The following PRKCE variants were observed in gnomAD, a reference collection of about 807,000 sequenced individuals.
PRKCE encodes the protein protein kinase C epsilon type.
A neutral mutation model predicts 85.4 loss-of-function variants in PRKCE; 16 were observed. The observed-to-expected ratio is 0.19, with a 90% CI of 0.13 to 0.28. The LOEUF (loss-of-function observed/expected upper bound fraction) is 0.28. PRKCE is among the 10% of genes least tolerant of loss of function. The pLI is 1.00. For synonymous variants in PRKCE, 388 were observed against 371.5 expected (o/e 1.04, Z -0.51); for missense variants, 573 against 975.2 (o/e 0.59, Z 5.49).
At chr2:45,784,769 A>C (rs1333073509) in intron 1 of PRKCE, among the ~76,000 whole-genome samples, 2 of 152,218 alleles carry the variant, frequency 1.3e-5, no homozygotes, top group African/African-American at 2.4e-5. Flanking sequence ...AACAGAAAAA[A>C]ATGAACCTAT....
intron 2 of PRKCE, among the ~76,000 whole-genome samples, chr2:45,873,470 A>ACG (rs1694249344): frequency 6.8e-6 from 1 of 147,442 alleles, no homozygotes; most frequent in Non-Finnish European, 1.5e-5. Context: ...AAAAAAAAAA[A>ACG]AAAAAACAAA....
Position 46,151,166 on chromosome 2 carries a change from C to A in PRKCE, c.1857C>A (p.Ile619=). Residue 619 remains isoleucine, a synonymous_variant, in exon 13 of 15, where the codon ATC becomes ATA. Transcript: ENST00000306156. ...ATGAGGACGACCTATTTGAGTCCAT[C>A]CTCCATGACGACGTGCTGTACCCAG... is the stretch of plus-strand genomic sequence containing the variant. ...ADNEDDLFES[I]LHDDVLYPVW... 5 of 1,599,584 alleles carry A rather than the reference C, an allele frequency of 3.1e-6. No homozygotes were observed. The highest frequency in any genetic ancestry group is 4.2e-6 in the Non-Finnish European group (5 of 1,179,930).
chr2:45,679,595 T>C (rs1213870227), intron 1 of PRKCE, among the ~76,000 whole-genome samples: 5 of 152,172 alleles, frequency 3.3e-5, no homozygotes, highest in Admixed American at 3.3e-4. Flanking sequence ...GTAATAGTTA[T>C]GAAGCCTTTT....
intron 2 of PRKCE, among the ~76,000 whole-genome samples, chr2:45,893,429 G>A (rs1249356364): frequency 3.3e-5 from 5 of 150,448 alleles, no homozygotes; most frequent in African/African-American, 4.9e-5. Context: ...GTGCAGTGGC[G>A]CAATCTCGGC....
At chr2:45,860,584 C>T (rs990510281) in intron 2 of PRKCE, among the ~76,000 whole-genome samples, 2 of 152,148 alleles carry the variant, frequency 1.3e-5, no homozygotes, top group African/African-American at 4.8e-5. Context: ...ACTATAGGAA[C>T]AAGAGCTGGT....
Position 46,116,537 on chromosome 2 carries a change from C to T in PRKCE, c.1593-28556C>T, listed in dbSNP as rs141815844. ...TGAGGAAATCAGAAGGCTGGGTTAC[C>T]GTGAGTATGTGCTCCCCACCTCTAC... On this transcript the variant is annotated intron_variant, in intron 11 of 14. Coordinates refer to ENST00000306156, the MANE Select transcript of PRKCE (RefSeq NM_005400.3). 2.9e-3 allele frequency among the ~76,000 whole-genome samples: 446 copies of T among 152,262 alleles called. 3 individuals are homozygous for T. Among genetic ancestry groups the T allele is most frequent in the African/African-American group, 1.0e-2 (415 of 41,528 alleles).
At chr2:45,893,400 C>T (rs1695888107) in intron 2 of PRKCE, among the ~76,000 whole-genome samples, 1 of 148,760 alleles carries the variant, frequency 6.7e-6, no homozygotes. Flanking sequence ...TGACCTCTTG[C>T]CCTCTCGCCC....
intron 1 of PRKCE, among the ~76,000 whole-genome samples, chr2:45,787,050 T>TC (rs1328556047): frequency 6.6e-6 from 1 of 152,196 alleles, no homozygotes; most frequent in Non-Finnish European, 1.5e-5. Flanking sequence ...GCACATTGAA[T>TC]AGAGACCCTG....
At chr2:46,156,215 G>A (rs1257838649) in intron 13 of PRKCE, among the ~76,000 whole-genome samples, 1 of 152,004 alleles carries the variant, frequency 6.6e-6, no homozygotes, top group Non-Finnish European at 1.5e-5. Flanking sequence ...CCCGTCATCT[G>A]CTGGGCTCTG....
chr2:46,151,751 A>G (rs539224138), intron 13 of PRKCE, among the ~76,000 whole-genome samples: 1 of 152,366 alleles, frequency 6.6e-6, no homozygotes, highest in South Asian at 2.1e-4. Flanking sequence ...CTGGAAATTC[A>G]TGCAGTCCTG....
At chr2:46,107,726 TGTTA>T (rs1671865655) in intron 11 of PRKCE, among the ~76,000 whole-genome samples, 1 of 152,188 alleles carries the variant, frequency 6.6e-6, no homozygotes, top group Admixed American at 6.5e-5. Flanking sequence ...TAATTAGTAT[TGTTA>T]GTTCTTGGAT....
intron 10 of PRKCE, among the ~76,000 whole-genome samples, chr2:46,056,445 C>T (rs533250927): frequency 6.6e-6 from 1 of 152,138 alleles, no homozygotes; most frequent in Non-Finnish European, 1.5e-5. Flanking sequence ...CAGGGGCTTT[C>T]CAATAAGCTG....
At chr2:46,024,470 A>C (rs964397048) in intron 10 of PRKCE, among the ~76,000 whole-genome samples, 1 of 152,168 alleles carries the variant, frequency 6.6e-6, no homozygotes, top group Non-Finnish European at 1.5e-5. Flanking sequence ...GGAGGTACAA[A>C]TTAATTCCTT....
intron 2 of PRKCE, among the ~76,000 whole-genome samples, chr2:45,946,942 A>C (rs1700282892): frequency 6.6e-6 from 1 of 152,234 alleles, no homozygotes; most frequent in African/African-American, 2.4e-5. Context: ...GACTGATGTC[A>C]GCAAACCCAG....
At chr2:45,800,391 G>T (rs1229261119) in intron 1 of PRKCE, among the ~76,000 whole-genome samples, 1 of 152,248 alleles carries the variant, frequency 6.6e-6, no homozygotes, top group East Asian at 1.9e-4. Flanking sequence ...AGAGCAATCA[G>T]GTTGCCTATG....
intron 2 of PRKCE, among the ~76,000 whole-genome samples, chr2:45,902,170 G>A (rs1384898169): frequency 3.9e-5 from 6 of 152,312 alleles, no homozygotes; most frequent in Middle Eastern, 6.8e-3. Flanking sequence ...ATTAGGAGGT[G>A]TAGCAATATG....
rs35676949 is a variant in PRKCE, at chr2:46,151,280, TACACACACACACACAC to T, written c.1920+80_1920+95del. The T allele has an allele frequency of 1.2e-3, 666 of 559,136 alleles. 1 individual carries two copies. Among genetic ancestry groups the T allele is most frequent in the South Asian group, 3.1e-3 (111 of 35,438 alleles). The allele number at this position is 559,136 out of a possible 1,614,324, so 34.6% of individuals were successfully genotyped here. A position where few individuals can be genotyped will look rare whatever the true frequency, so the allele number is the denominator to read the frequency against. On this transcript the variant is annotated intron_variant, in intron 13 of 14. Transcript: ENST00000306156. The stretch of plus-strand genomic sequence containing the variant: ...CTGTGCTCTCCTGGGCTCCTCCCCC[TACACACACACACACAC>T]ACACACACACACACACACACACACA...
chr2:45,943,376 G>A (rs899431995), intron 2 of PRKCE, among the ~76,000 whole-genome samples: 1 of 152,244 alleles, frequency 6.6e-6, no homozygotes, highest in Admixed American at 6.5e-5. Flanking sequence ...ATAGCTCAGA[G>A]TACATCTGCC....
intron 1 of PRKCE, among the ~76,000 whole-genome samples, chr2:45,757,503 C>CA (rs1428416595): frequency 6.6e-6 from 1 of 151,452 alleles, no homozygotes; most frequent in Non-Finnish European, 1.5e-5. Flanking sequence ...TGTGTCTCTA[C>CA]AAAAAATAAT....
Sources: allele counts gnomAD v4.1 joint callset (sites outside exome capture counted in the v4.1 genomes callset), GRCh38; gene constraint gnomAD v4.1.1; transcripts MANE v1.5; gene names NCBI Gene and HGNC (gene_info 2026-07-23, HGNC 2026-07-21).